The following ARHGAP28 variants were observed in gnomAD, a reference collection of about 807,000 sequenced individuals.
The protein encoded by ARHGAP28 is rho GTPase-activating protein 28.
Under a neutral mutation model 90.7 loss-of-function variants are expected in ARHGAP28, and 56 were observed. That is an observed-to-expected ratio of 0.62 (90% confidence interval 0.50 to 0.77). ARHGAP28 has a LOEUF of 0.77. ARHGAP28 is among the 30% of genes least tolerant of loss of function. The pLI is 0.00. For synonymous variants in ARHGAP28, 308 were observed against 323.3 expected, an observed-to-expected ratio of 0.95 and a Z score of 0.51; for missense variants, 869 against 900.9, an observed-to-expected ratio of 0.96 and a Z score of 0.45.
chr18:6,863,408 A>T (rs1308224637), intron 5 of ARHGAP28, among the ~76,000 whole-genome samples: 1 of 151,508 alleles, frequency 6.6e-6, no homozygotes, highest in Non-Finnish European at 1.5e-5. Flanking sequence ...GAACTATAAC[A>T]CAATAAATTG....
intron 3 of ARHGAP28, among the ~76,000 whole-genome samples, chr18:6,841,750 A>C (rs2056829723): frequency 6.6e-6 from 1 of 152,104 alleles, no homozygotes; most frequent in African/African-American, 2.4e-5. Flanking sequence ...AAGCTTTTGA[A>C]TTTTATTTTT....
rs754200453 is a variant in ARHGAP28 at position 6,896,641 on chromosome 18, A to G, written c.2030+15A>G. 3 of 1,613,690 alleles carry G rather than the reference A, an allele frequency of 1.9e-6. No individual in the cohort carries two copies. The highest frequency in any genetic ancestry group is 2.5e-6 in the Non-Finnish European group (3 of 1,179,920). ...TATGAAAACAGGTGAGTCAATGTGA[A>G]TGAAGGTCTCTGCACAAGAAGGAAA... On this transcript the variant is annotated intron_variant, in intron 16 of 17. Coordinates refer to ENST00000383472, the MANE Select transcript of ARHGAP28 (RefSeq NM_001366230.1).
intron 1 of ARHGAP28, among the ~76,000 whole-genome samples, chr18:6,743,801 A>C (rs1161395916): frequency 1.3e-5 from 2 of 152,226 alleles, no homozygotes; most frequent in African/African-American, 4.8e-5. Context: ...AAAAAGTGAA[A>C]TTGAACAAAT....
At chr18:6,907,910 A>C (rs1282620613) in intron 16 of ARHGAP28, among the ~76,000 whole-genome samples, 4 of 152,234 alleles carry the variant, frequency 2.6e-5, no homozygotes, top group South Asian at 4.1e-4. Flanking sequence ...ACAACAACAA[A>C]AAAAGAGGGC....
chr18:6,890,989 G>A lies in ARHGAP28; in HGVS notation c.1848+446G>A, dbSNP rs147018218. ...TTCATTGCATTCCAAGGAATTCAGA[G>A]TTTTGTTTTAACACAGTTATTTGTG... On this transcript the variant is annotated intron_variant, in intron 14 of 17. Coordinates refer to ENST00000383472, the MANE Select transcript of ARHGAP28 (RefSeq NM_001366230.1). Among the ~76,000 whole-genome samples the A allele has an allele frequency of 9.5e-3, 1,449 of 152,284 alleles. 10 individuals are homozygous for A. The highest frequency in any genetic ancestry group is 0.017 in the Middle Eastern group (5 of 294).
rs542753830 is a variant in ARHGAP28 at position 6,870,464 on chromosome 18, T to G, written c.812-126T>G. 4.8e-5 allele frequency: 46 copies of G among 960,394 alleles called. No homozygotes were observed. The African/African-American group carries it at 6.0e-4, about 13-fold the overall frequency. 59.5% of individuals were successfully genotyped at this position (960,394 alleles called of 1,614,324 possible). ...CTCGGGGTGAGTCTGCTGCTTTTCCTCGCATATAAACACTGTAACGTGCTT... is the reference window on the plus strand; with the variant it reads ...CTCGGGGTGAGTCTGCTGCTTTTCCGCGCATATAAACACTGTAACGTGCTT... On this transcript the variant is annotated intron_variant, in intron 6 of 17. Transcript: ENST00000383472.
intron 1 of ARHGAP28, among the ~76,000 whole-genome samples, chr18:6,746,402 G>A (rs142013907): frequency 6.6e-6 from 1 of 152,306 alleles, no homozygotes; most frequent in African/African-American, 2.4e-5. Flanking sequence ...CAATAGGGTT[G>A]ATTGTGTTCT....
chr18:6,743,833 C>T (rs191235999), intron 1 of ARHGAP28, among the ~76,000 whole-genome samples: 1 of 152,240 alleles, frequency 6.6e-6, no homozygotes, highest in Non-Finnish European at 1.5e-5. Flanking sequence ...CTCTCTATGC[C>T]ATATGTGATA....
chr18:6,863,736 T>G (rs2057015733), intron 5 of ARHGAP28, among the ~76,000 whole-genome samples: 1 of 151,500 alleles, frequency 6.6e-6, no homozygotes, highest in Non-Finnish European at 1.5e-5. Context: ...AATAATTTGT[T>G]TATGAAACCT....
intron 3 of ARHGAP28, among the ~76,000 whole-genome samples, chr18:6,842,806 C>T (rs552883902): frequency 6.6e-5 from 10 of 152,082 alleles, no homozygotes; most frequent in South Asian, 2.1e-4. Context: ...CACATACATA[C>T]GGGATTATGA....
chr18:6,777,809 A>G (rs1166655306), intron 1 of ARHGAP28, among the ~76,000 whole-genome samples: 2 of 152,184 alleles, frequency 1.3e-5, no homozygotes, highest in African/African-American at 4.8e-5. Context: ...AGTGAGAAGA[A>G]TGGACAAGGT....
At chr18:6,758,066 C>A (rs750416814) in intron 1 of ARHGAP28, among the ~76,000 whole-genome samples, 2 of 152,124 alleles carry the variant, frequency 1.3e-5, no homozygotes, top group Non-Finnish European at 1.5e-5. Context: ...TAGCTATTTC[C>A]CAAGTTTATT....
chr18:6,755,550 A>G (rs948726206), intron 1 of ARHGAP28, among the ~76,000 whole-genome samples: 76 of 152,232 alleles, frequency 5.0e-4, no homozygotes, highest in Admixed American at 5.0e-3. Context: ...TATTAAAACC[A>G]TATGAAAACC....
At chr18:6,864,846 A>G (rs1485795106) in intron 5 of ARHGAP28, among the ~76,000 whole-genome samples, 1 of 142,804 alleles carries the variant, frequency 7.0e-6, no homozygotes, top group Non-Finnish European at 1.6e-5. Context: ...CACCATGCCC[A>G]GCTAAATTTT....
intron 1 of ARHGAP28, among the ~76,000 whole-genome samples, chr18:6,786,825 T>G (rs2056368488): frequency 6.6e-6 from 1 of 152,148 alleles, no homozygotes; most frequent in South Asian, 2.1e-4. Context: ...GCAAATTTTC[T>G]TTTCAGAGCT....
intron 1 of ARHGAP28, among the ~76,000 whole-genome samples, chr18:6,803,842 G>A (rs1156632001): frequency 1.3e-5 from 2 of 151,824 alleles, no homozygotes; most frequent in African/African-American, 2.4e-5. Context: ...GCAGTGGCGC[G>A]ATCTTGGCTC....
At chr18:6,909,890 C>G (rs1021217343) in intron 17 of ARHGAP28, among the ~76,000 whole-genome samples, 1 of 152,114 alleles carries the variant, frequency 6.6e-6, no homozygotes, top group Non-Finnish European at 1.5e-5. Context: ...TCAGCCTTTC[C>G]CTCCCAACTG....
rs772436955 is a variant in ARHGAP28 at position 6,870,648 on chromosome 18, G to A, written c.870G>A (p.Val290=). The A allele has an allele frequency of 1.2e-6, 2 of 1,612,752 alleles. No individual in the cohort carries two copies. The highest frequency in any genetic ancestry group is 1.1e-5 in the South Asian group (1 of 90,924). ...PPEAEELSFE[V]SYSEMVTEAL... is the part of the protein sequence containing the mutation. ...AGGCTGAAGAGCTGTCATTTGAAGTGTCTTATTCAGAAATGGTTACGGAGG... is the reference window on the plus strand; with the variant it reads ...AGGCTGAAGAGCTGTCATTTGAAGTATCTTATTCAGAAATGGTTACGGAGG... The change falls in exon 7 of 18, where the codon GTG becomes GTA. Residue 290 remains valine (V), a synonymous_variant. Transcript: ENST00000383472.
At chr18:6,763,211 C>CA (rs1395200739) in intron 1 of ARHGAP28, among the ~76,000 whole-genome samples, 1 of 152,024 alleles carries the variant, frequency 6.6e-6, no homozygotes, top group Non-Finnish European at 1.5e-5. Flanking sequence ...GCCTCCTGAG[C>CA]AGCTGGGACT....
Sources: allele counts gnomAD v4.1 joint callset (sites outside exome capture counted in the v4.1 genomes callset), GRCh38; gene constraint gnomAD v4.1.1; transcripts MANE v1.5; gene names NCBI Gene and HGNC (gene_info 2026-07-23, HGNC 2026-07-21).